GABRA1: variants seen among roughly 807,000 people sequenced by gnomAD.
GABRA1 encodes the protein gamma-aminobutyric acid receptor subunit alpha-1.
In GABRA1, 9 loss-of-function variants were observed where a neutral mutation model predicts 48.9. That is an observed-to-expected ratio of 0.18 (90% CI 0.11 to 0.32). GABRA1 has a LOEUF of 0.32. GABRA1 is among the 10% of genes least tolerant of loss of function. The pLI, the probability that GABRA1 is intolerant of heterozygous loss-of-function variation, is 1.00. For missense variants in GABRA1, 285 were observed against 553.8 expected (o/e 0.51, Z 4.87); for synonymous variants, 210 against 198.7 (o/e 1.06, Z -0.48).
At chr5:161,850,654 T>C in intron 1 of GABRA1, 142 bp from the exon 2 acceptor site, 4 of 698,906 alleles carry the variant, frequency 5.7e-6, no homozygotes, top group Non-Finnish European at 2.6e-6. Context: ...CAGGTTTCCA[T>C]TGCTTCCAAT....
intron 8 of GABRA1, among the ~76,000 whole-genome samples, chr5:161,892,656 C>A (rs142724953): frequency 6.8e-6 from 1 of 147,922 alleles, no homozygotes; most frequent in African/African-American, 2.5e-5. Flanking sequence ...ATGCCTTTTT[C>A]TCACTAGGAA....
chr5:161,869,555 A>G (rs1754019884), intron 4 of GABRA1, among the ~76,000 whole-genome samples: 1 of 152,212 alleles, frequency 6.6e-6, no homozygotes, highest in African/African-American at 2.4e-5. Flanking sequence ...TCTGACAGAA[A>G]TATCCAGGCA....
At chr5:161,874,095 C>T (rs1467968919) in intron 5 of GABRA1, among the ~76,000 whole-genome samples, 15 of 151,562 alleles carry the variant, frequency 9.9e-5, no homozygotes, top group African/African-American at 2.4e-4. Context: ...TTGTTAGATA[C>T]GAGTTTTTTA....
chr5:161,857,938 G>GA lies in GABRA1; in HGVS notation c.187+3674dup, dbSNP rs199925945. Among the ~76,000 whole-genome samples the GA allele has an allele frequency of 1.2e-3, 183 of 148,006 alleles. 5 individuals carry two copies. In the East Asian group the frequency reaches 0.032, roughly 26 times the overall value. The stretch of plus-strand genomic sequence containing the variant: ...GGTCAGTGTAGAAGAATAAAATAAG[G>GA]AAAAAAGGATAAAAGTCAGAAAAAA... On this transcript the variant is annotated intron_variant, in intron 3 of 9. Coordinates refer to ENST00000393943, the MANE Select transcript of GABRA1 (RefSeq NM_001127644.2).
chr5:161,880,579 A>C (rs1344854139), intron 6 of GABRA1, among the ~76,000 whole-genome samples: 1 of 152,228 alleles, frequency 6.6e-6, no homozygotes, highest in East Asian at 1.9e-4. Context: ...TGTCCCATGA[A>C]CCACTAAATT....
chr5:161,856,060 C>A (rs1757631752), intron 3 of GABRA1, among the ~76,000 whole-genome samples: 1 of 151,210 alleles, frequency 6.6e-6, no homozygotes. Flanking sequence ...CTTTTAATTG[C>A]ATAGAATAAC....
chr5:161,862,616 T>C (rs1757906511), intron 3 of GABRA1, among the ~76,000 whole-genome samples: 1 of 151,948 alleles, frequency 6.6e-6, no homozygotes, highest in Admixed American at 6.6e-5. Flanking sequence ...AATATGTTTT[T>C]CCTAAAGTAA....
intron 3 of GABRA1, among the ~76,000 whole-genome samples, chr5:161,863,280 G>C (rs1757930488): frequency 6.6e-6 from 1 of 151,922 alleles, no homozygotes; most frequent in Non-Finnish European, 1.5e-5. Flanking sequence ...AATTGCTATA[G>C]AGAAATAACT....
chr5:161,873,449 C>T (rs1754211866), intron 5 of GABRA1, 112 bp downstream of exon 5: 1 of 857,808 alleles, frequency 1.2e-6, no homozygotes, highest in Non-Finnish European at 1.9e-6. Flanking sequence ...CCTTGTTTTT[C>T]AACCTTAACA....
chr5:161,889,376 A>T (rs149975753), intron 7 of GABRA1, among the ~76,000 whole-genome samples: 2 of 152,214 alleles, frequency 1.3e-5, no homozygotes, highest in African/African-American at 4.8e-5. Flanking sequence ...TACTAAGGGT[A>T]AGAGAGTTTA....
intron 7 of GABRA1, among the ~76,000 whole-genome samples, chr5:161,886,664 C>T (rs1306720626): frequency 1.3e-5 from 2 of 151,854 alleles, no homozygotes; most frequent in Non-Finnish European, 2.9e-5. Context: ...TAGTCCCAGC[C>T]ACTTGGGAGG....
At chr5:161,861,854 A>C (rs181985739) in intron 3 of GABRA1, among the ~76,000 whole-genome samples, 1 of 151,986 alleles carries the variant, frequency 6.6e-6, no homozygotes, top group African/African-American at 2.4e-5. Context: ...TATTATAATG[A>C]CTAATATTAG....
At chr5:161,850,960 T>C (rs1413944097) in intron 2 of GABRA1, 76 bp downstream of exon 2, 22 of 1,254,822 alleles carry the variant, frequency 1.8e-5, no homozygotes, top group Non-Finnish European at 2.3e-5. Context: ...AAGAAAATTG[T>C]CCTCAAATGA....
At chr5:161,883,546 G>A (rs1466774744) in intron 7 of GABRA1, among the ~76,000 whole-genome samples, 1 of 152,022 alleles carries the variant, frequency 6.6e-6, no homozygotes, top group South Asian at 2.1e-4. Flanking sequence ...AAAAATACAT[G>A]CCCCACAAAG....
At chr5:161,877,109 C>G (rs1435367688) in intron 6 of GABRA1, among the ~76,000 whole-genome samples, 2 of 151,980 alleles carry the variant, frequency 1.3e-5, no homozygotes, top group Non-Finnish European at 2.9e-5. Flanking sequence ...TGATTTGTAA[C>G]TTTTTTGTAT....
At chr5:161,889,137 A>G (rs1231792706) in intron 7 of GABRA1, among the ~76,000 whole-genome samples, 1 of 152,078 alleles carries the variant, frequency 6.6e-6, no homozygotes, top group Non-Finnish European at 1.5e-5. Context: ...AATAACAGTT[A>G]ATAATGAAAG....
intron 7 of GABRA1, among the ~76,000 whole-genome samples, chr5:161,884,427 T>G (rs1754750634): frequency 6.6e-6 from 1 of 152,208 alleles, no homozygotes; most frequent in African/African-American, 2.4e-5. Flanking sequence ...ATTAACATTT[T>G]TTTGTGATGG....
At chr5:161,881,482 G>T (rs1002367140) in intron 6 of GABRA1, among the ~76,000 whole-genome samples, 3 of 152,008 alleles carry the variant, frequency 2.0e-5, no homozygotes, top group Non-Finnish European at 2.9e-5. Context: ...AAGTGACATG[G>T]CAAATAAAAA....
At position 161,875,602 on chromosome 5, in the gene GABRA1, C is replaced by T. The variant is rs1276849167; in HGVS notation, c.519C>T (p.Phe173=). ...RAECPMHLED[F]PMDAHACPLK... ...AATGTCCGATGCATTTGGAGGACTT[C>T]CCTATGGATGCCCATGCTTGCCCAC... The change falls in exon 6 of 10, where the codon TTC becomes TTT. Residue 173 remains phenylalanine, a synonymous_variant. Transcript: ENST00000393943. 2 of 1,613,514 alleles carry T rather than the reference C, an allele frequency of 1.2e-6. No individual in the cohort carries two copies. Among genetic ancestry groups the T allele is most frequent in the South Asian group, 2.2e-5 (2 of 91,080 alleles).
Sources: allele counts gnomAD v4.1 joint callset (sites outside exome capture counted in the v4.1 genomes callset), GRCh38; gene constraint gnomAD v4.1.1; transcripts MANE v1.5; gene names NCBI Gene and HGNC (gene_info 2026-07-23, HGNC 2026-07-21).